SP140: variants seen among roughly 807,000 people sequenced by gnomAD.
SP140 encodes SP140 nuclear body protein.
SP140 carries 81 observed loss-of-function variants against 125.0 expected under a neutral mutation model. The ratio of observed to expected loss-of-function variants is 0.65; its 90% CI spans 0.54 to 0.78. The LOEUF (loss-of-function observed/expected upper bound fraction) is 0.78. Ranked by LOEUF, SP140 falls within the 30% of genes least tolerant of loss-of-function variation. The pLI is 0.00. For synonymous variants in SP140, 312 were observed against 354.0 expected (o/e 0.88, Z 1.33); for missense variants, 858 against 1,037.0 (o/e 0.83, Z 2.37).
intron 1 of SP140, among the ~76,000 whole-genome samples, chr2:230,206,866 G>T (rs1436096985): frequency 1.3e-5 from 2 of 151,946 alleles, no homozygotes; most frequent in Non-Finnish European, 2.9e-5. Context: ...TCTAGAGGGA[G>T]AATAGAACCT....
In SP140 at chr2:230,248,965, G is replaced by C. The variant is rs775259732; in HGVS notation, c.973G>C (p.Glu325Gln). 2.5e-6 allele frequency: 4 copies of C among 1,606,844 alleles called. No homozygotes were observed. Among genetic ancestry groups the C allele is most frequent in the Admixed American group, 3.3e-5 (2 of 59,830 alleles). ...GCTCTGTCTACTACCAGGTGAAGGA[G>C]AAGGTAATTATGATTTAAGTTTTTA... ...KGLCLLPGEG[E>Q]EGSDDCSEMC... Residue 325 changes from glutamate to glutamine, a missense_variant, in exon 9 of 27, where the codon GAA becomes CAA. Coordinates refer to ENST00000392045, the MANE Select transcript of SP140 (RefSeq NM_007237.5).
At chr2:230,214,039 A>C (rs982432401) in exon 3 of SP140, 1 of 152,210 alleles carries the variant, frequency 6.6e-6, no homozygotes, top group Non-Finnish European at 1.5e-5. Context: ...GAAAATATCC[A>C]ATGTGAGCTG....
intron 12 of SP140, among the ~76,000 whole-genome samples, chr2:230,261,984 G>A (rs937749836): frequency 9.2e-5 from 14 of 152,046 alleles, no homozygotes; most frequent in African/African-American, 2.7e-4. Context: ...AATTAGGGAG[G>A]GTTCCTTCTT....
chr2:230,285,830 G>C lies in SP140; in HGVS notation c.1643G>C (p.Arg548Thr), dbSNP rs376571047. 7 of 1,610,578 alleles carry C rather than the reference G, an allele frequency of 4.3e-6. No homozygotes were observed. Among genetic ancestry groups the C allele is most frequent in the Non-Finnish European group, 5.9e-6 (7 of 1,176,930 alleles). Residue 548 changes from arginine to threonine, a missense_variant and splice_region_variant, in exon 17 of 27, where the codon AGG (arginine) becomes ACG (threonine). Arg to Thr is a moderately conservative substitution (Grantham distance 71, BLOSUM62 -1). Transcript: ENST00000392045. ...NVNLKDLSKI[R>T]GRKRGKPGTR... ...AATCTGAAAGACCTTTCCAAGATTA[G>C]GGGTAAGATAAAGTTTGTCCGCTTT...
intron 12 of SP140, among the ~76,000 whole-genome samples, chr2:230,263,729 T>G (rs2052639190): frequency 6.6e-6 from 1 of 152,190 alleles, no homozygotes; most frequent in South Asian, 2.1e-4. Context: ...TCGTATATGA[T>G]GCTTAGTTTT....
intron 22 of SP140, among the ~76,000 whole-genome samples, chr2:230,307,982 TATATATATAC>T (rs59096070): frequency 0.035 from 3,231 of 93,364 alleles, 95 homozygotes; most frequent in South Asian, 0.13. Context: ...TATATATATA[TATATATATAC>T]ACACACACAC....
intron 1 of SP140, among the ~76,000 whole-genome samples, chr2:230,230,105 C>T (rs1307226516): frequency 1.3e-5 from 2 of 152,110 alleles, no homozygotes; most frequent in Non-Finnish European, 2.9e-5. Flanking sequence ...ATTTAATAAT[C>T]GCAGGGCCAG....
chr2:230,248,654 A>T (rs1003044065), intron 8 of SP140, among the ~76,000 whole-genome samples: 1 of 152,228 alleles, frequency 6.6e-6, no homozygotes, highest in Non-Finnish European at 1.5e-5. Context: ...TGGAGAGAAG[A>T]TCAGACAATC....
chr2:230,195,779 C>T, the SP140 span, among the ~76,000 whole-genome samples: 1 of 151,604 alleles, frequency 6.6e-6, no homozygotes, highest in Admixed American at 6.6e-5. Context: ...TAAAAATATA[C>T]AGAAGGAGCA....
intron 22 of SP140, among the ~76,000 whole-genome samples, chr2:230,301,974 A>G (rs570039974): frequency 2.5e-4 from 38 of 152,282 alleles, no homozygotes; most frequent in South Asian, 1.9e-3. Context: ...AGCGAGCAGG[A>G]GTAGGTATTC....
chr2:230,312,562 T>A, intron 26 of SP140, 24 bp from the exon 27 acceptor site: 10 of 1,501,000 alleles, frequency 6.7e-6, no homozygotes, highest in Non-Finnish European at 9.3e-6. Context: ...AGGAGCATTG[T>A]TTTTGTCTTT....
At chr2:230,264,804 C>A (rs994926891) in intron 12 of SP140, among the ~76,000 whole-genome samples, 2 of 152,222 alleles carry the variant, frequency 1.3e-5, no homozygotes, top group African/African-American at 4.8e-5. Flanking sequence ...GGGTTGTCTG[C>A]ACAGAGTCCT....
rs145408419 is a variant in SP140 at position 230,240,786 on chromosome 2, T to G, written c.407-618T>G. On this transcript the variant is annotated intron_variant, in intron 3 of 26. Transcript: ENST00000392045. ...TAAAGTTAAATCTAACCTATGATCT[T>G]GGCAGTTTCACTCCTAGGTATTTAC... Among the ~76,000 whole-genome samples, 14 of 152,296 alleles carry G rather than the reference T, an allele frequency of 9.2e-5. No homozygotes were observed. In the East Asian group the frequency reaches 2.7e-3, roughly 29 times the overall value.
At chr2:230,213,078 T>C (rs760907749) in intron 1 of SP140, 8 of 1,591,388 alleles carry the variant, frequency 5.0e-6, no homozygotes. Flanking sequence ...TCAGAATTAC[T>C]TGGGGAAGGG....
chr2:230,202,855 C>A, upstream of SP140: 1 of 869,452 alleles, frequency 1.2e-6, no homozygotes, highest in Non-Finnish European at 2.0e-6. Context: ...TACCCCTGTA[C>A]CTCACTTTTC....
upstream of SP140, among the ~76,000 whole-genome samples, chr2:230,221,486 C>T (rs2045811519): frequency 6.6e-6 from 1 of 152,028 alleles, no homozygotes; most frequent in African/African-American, 2.4e-5. Context: ...ACAGCATATC[C>T]CACCCTAGTA....
intron 15 of SP140, among the ~76,000 whole-genome samples, chr2:230,283,832 G>A (rs1335692233): frequency 6.6e-6 from 1 of 152,204 alleles, no homozygotes; most frequent in African/African-American, 2.4e-5. Flanking sequence ...CTGAAGGAGG[G>A]CTGACAGTGT....
upstream of SP140, among the ~76,000 whole-genome samples, chr2:230,223,938 C>T (rs2046027373): frequency 6.6e-6 from 1 of 152,198 alleles, no homozygotes; most frequent in Non-Finnish European, 1.5e-5. Flanking sequence ...AGCCTTCTGA[C>T]TCCACTGGTC....
At chr2:230,280,182 G>GACCATT (rs2055335846) in intron 15 of SP140, among the ~76,000 whole-genome samples, 1 of 151,856 alleles carries the variant, frequency 6.6e-6, no homozygotes, top group African/African-American at 2.4e-5. Flanking sequence ...TTATCTTGTT[G>GACCATT]CTTTACTTTA....
Sources: gnomAD v4.1 joint callset for allele counts (sites outside exome capture counted in the v4.1 genomes callset) on GRCh38, gnomAD v4.1.1 for gene constraint, MANE v1.5 for transcripts, NCBI Gene and HGNC (gene_info 2026-07-23, HGNC 2026-07-21) for gene names.